SHB: variants seen among roughly 807,000 people sequenced by gnomAD.
The protein encoded by SHB is SH2 domain-containing adapter protein B.
Under a neutral mutation model 52.3 loss-of-function variants are expected in SHB, and 20 were observed. That is an observed-to-expected ratio of 0.38 (90% CI 0.27 to 0.56). The LOEUF (loss-of-function observed/expected upper bound fraction) is 0.56, where lower values mean the gene tolerates loss of function less well. Ranked by LOEUF, SHB falls within the 20% of genes least tolerant of loss-of-function variation. The pLI is 0.71. For missense variants in SHB, 825 were observed against 723.3 expected, an observed-to-expected ratio of 1.14 and a Z score of -1.61; for synonymous variants, 397 against 316.5, an observed-to-expected ratio of 1.25 and a Z score of -2.70.
chr9:38,015,251 T>G (rs376571793), intron 2 of SHB: 2 of 596,942 alleles, frequency 3.4e-6, no homozygotes, highest in East Asian at 5.6e-5. Context: ...GTTTCCCTTT[T>G]GCTTGTGACC....
intron 5 of SHB, 23 bp downstream of exon 5, chr9:37,948,612 G>GGGGTGC: frequency 6.2e-7 from 1 of 1,612,216 alleles, no homozygotes; most frequent in Non-Finnish European, 8.5e-7. Context: ...AGGAGGGCTG[G>GGGGTGC]GGGTGCTCGG....
At position 37,983,400 on chromosome 9, in the gene SHB, T is replaced by C. The variant is rs533456336; in HGVS notation, c.839-8563A>G. ...GGTGGGAGATGATGCTGGAGGCAGA[T>C]GGAAGTGGGTTTCTGGATGGCCTTA... On this transcript the variant is annotated intron_variant, in intron 2 of 5. Transcript: ENST00000377707. Among the ~76,000 whole-genome samples, 15 of 152,244 alleles carry C rather than the reference T, an allele frequency of 9.9e-5. 1 individual carries two copies. The South Asian group carries it at 2.7e-3, about 27-fold the overall frequency.
At chr9:37,928,663 G>T (rs1487202483) in intron 5 of SHB, among the ~76,000 whole-genome samples, 3 of 152,194 alleles carry the variant, frequency 2.0e-5, no homozygotes, top group Non-Finnish European at 4.4e-5. Flanking sequence ...TCCACAACAT[G>T]GGAATAACCA....
intron 2 of SHB, among the ~76,000 whole-genome samples, chr9:37,987,715 T>TG (rs913847402): frequency 1.3e-5 from 2 of 152,112 alleles, no homozygotes; most frequent in Admixed American, 6.5e-5. Context: ...TCATCATGGT[T>TG]GGGGGGCCTG....
chr9:38,059,573 C>A (rs952488792), intron 1 of SHB, among the ~76,000 whole-genome samples: 1 of 152,172 alleles, frequency 6.6e-6, no homozygotes, highest in Admixed American at 6.5e-5. Context: ...CTGGAAAATA[C>A]CAAACAGGAA....
At chr9:37,924,260 G>A (rs1363964723) in intron 5 of SHB, among the ~76,000 whole-genome samples, 2 of 152,126 alleles carry the variant, frequency 1.3e-5, no homozygotes, top group African/African-American at 4.8e-5. Context: ...GGGCACGCAG[G>A]GCTAATAACA....
intron 3 of SHB, among the ~76,000 whole-genome samples, chr9:37,968,964 G>C (rs1209098561): frequency 6.6e-6 from 1 of 152,136 alleles, no homozygotes; most frequent in East Asian, 1.9e-4. Context: ...ACCAACCCAT[G>C]GGATGGCGCT....
intron 1 of SHB, 34 bp downstream of exon 1, chr9:38,067,895 T>C (rs1821991021): frequency 3.5e-6 from 5 of 1,427,740 alleles, no homozygotes; most frequent in Non-Finnish European, 4.5e-6. Context: ...ACCGTGGCTC[T>C]GGAACCTCGG....
At chr9:37,976,266 C>T (rs944785903) in intron 2 of SHB, among the ~76,000 whole-genome samples, 3 of 152,206 alleles carry the variant, frequency 2.0e-5, no homozygotes, top group Admixed American at 6.5e-5. Flanking sequence ...GAACTCCTGA[C>T]CTCATGTGAT....
chr9:37,928,753 C>T (rs564563717), intron 5 of SHB, among the ~76,000 whole-genome samples: 1 of 152,370 alleles, frequency 6.6e-6, no homozygotes, highest in Admixed American at 6.5e-5. Flanking sequence ...TCCCGGCTCG[C>T]CTGGCCCCTT....
At chr9:38,028,137 A>G (rs1227320557) in intron 1 of SHB, among the ~76,000 whole-genome samples, 28 of 151,934 alleles carry the variant, frequency 1.8e-4, no homozygotes, top group Admixed American at 1.8e-3. Context: ...CCAAAGCCCA[A>G]GTATCATTTT....
chr9:38,002,467 G>A (rs779756183), intron 2 of SHB, among the ~76,000 whole-genome samples: 58 of 152,154 alleles, frequency 3.8e-4, no homozygotes, highest in Non-Finnish European at 7.6e-4. Flanking sequence ...CAGGGCAGGA[G>A]GCCTTGCTTT....
At chr9:38,000,163 G>A (rs1239387940) in intron 2 of SHB, among the ~76,000 whole-genome samples, 1 of 152,220 alleles carries the variant, frequency 6.6e-6, no homozygotes, top group African/African-American at 2.4e-5. Context: ...GAAAAGAGAG[G>A]GAGCGAGAAG....
intron 2 of SHB, among the ~76,000 whole-genome samples, chr9:37,994,337 A>G (rs10814637): frequency 0.43 from 65,025 of 152,108 alleles, 14,287 homozygotes; most frequent in Middle Eastern, 0.51. Flanking sequence ...TATAAATATT[A>G]TTCTCTTCTG....
intron 4 of SHB, among the ~76,000 whole-genome samples, chr9:37,954,874 G>T (rs1185078230): frequency 6.6e-6 from 1 of 152,106 alleles, no homozygotes; most frequent in African/African-American, 2.4e-5. Context: ...GCAGAGCAGG[G>T]AGATGATAAC....
At chr9:37,932,556 T>C (rs1185076273) in intron 5 of SHB, among the ~76,000 whole-genome samples, 1 of 122,146 alleles carries the variant, frequency 8.2e-6, no homozygotes, top group Non-Finnish European at 1.6e-5. Flanking sequence ...TTAGCTGCTC[T>C]AGCCACAAAA....
intron 1 of SHB, among the ~76,000 whole-genome samples, chr9:38,040,536 G>A (rs1481277808): frequency 2.0e-5 from 3 of 152,218 alleles, no homozygotes; most frequent in Non-Finnish European, 4.4e-5. Flanking sequence ...CCCAGCCACT[G>A]CATGCCATAC....
chr9:37,933,931 G>A (rs984542100), intron 5 of SHB, among the ~76,000 whole-genome samples: 6 of 152,220 alleles, frequency 3.9e-5, no homozygotes, highest in South Asian at 2.1e-4. Context: ...AGGAAGACCC[G>A]GGCTACTCTT....
intron 4 of SHB, among the ~76,000 whole-genome samples, chr9:37,953,734 G>C (rs1189671056): frequency 6.6e-6 from 1 of 152,278 alleles, no homozygotes; most frequent in South Asian, 2.1e-4. Context: ...GGCGCCTCCT[G>C]AACTCTAGAA....
Sources: allele counts gnomAD v4.1 joint callset (sites outside exome capture counted in the v4.1 genomes callset), GRCh38; gene constraint gnomAD v4.1.1; transcripts MANE v1.5; gene names NCBI Gene and HGNC (gene_info 2026-07-23, HGNC 2026-07-21).